RBPJ: variants seen among roughly 807,000 people sequenced by gnomAD.
RBPJ encodes recombination signal binding protein for immunoglobulin kappa J region.
In RBPJ, 9 loss-of-function variants were observed where a neutral mutation model predicts 67.8. The ratio of observed to expected loss-of-function variants is 0.13; its 90% CI spans 0.08 to 0.23. The LOEUF (loss-of-function observed/expected upper bound fraction) is 0.23, where lower values mean the gene tolerates loss of function less well. Ranked by LOEUF, RBPJ falls within the 10% of genes least tolerant of loss-of-function variation. RBPJ has a pLI of 1.00. For missense variants in RBPJ, 305 were observed against 595.6 expected (o/e 0.51, Z 5.08); for synonymous variants, 198 against 203.3 (o/e 0.97, Z 0.22).
At chr4:26,319,869 G>A, upstream of RBPJ, 7 of 1,599,594 alleles carry the variant, frequency 4.4e-6, no homozygotes, top group Non-Finnish European at 5.1e-6. Context: ...GCAAAGGAGG[G>A]GAAAGATGGG....
intron 1 of RBPJ, among the ~76,000 whole-genome samples, chr4:26,306,223 C>T (rs1215538329): frequency 1.3e-5 from 2 of 151,668 alleles, no homozygotes; most frequent in East Asian, 1.9e-4. Flanking sequence ...CTGGCTAGAA[C>T]CTTCAATACC....
intron 2 of RBPJ, among the ~76,000 whole-genome samples, chr4:26,405,498 T>C (rs1243342936): frequency 6.6e-6 from 1 of 152,184 alleles, no homozygotes; most frequent in Non-Finnish European, 1.5e-5. Context: ...GTATAGACCA[T>C]TTGCTCAATA....
upstream of RBPJ, chr4:26,319,599 A>C: frequency 7.2e-6 from 4 of 552,356 alleles, no homozygotes; most frequent in East Asian, 3.4e-5. Flanking sequence ...AGCTTAGGCA[A>C]CAGGGGCACG....
At chr4:26,158,337 G>A in the RBPJ span, among the ~76,000 whole-genome samples, 1,370 of 152,286 alleles carry the variant, frequency 9.0e-3, 17 homozygotes, top group African/African-American at 0.031. Flanking sequence ...CTTGATTCTA[G>A]TCTTCTCAAG....
At chr4:26,423,856 A>C (rs1475189060) in intron 5 of RBPJ, among the ~76,000 whole-genome samples, 3 of 152,212 alleles carry the variant, frequency 2.0e-5, no homozygotes, top group African/African-American at 4.8e-5. Flanking sequence ...TCCCTTTTCT[A>C]TGCATGTATT....
chr4:26,294,904 G>A (rs974681882), intron 1 of RBPJ, among the ~76,000 whole-genome samples: 11 of 151,958 alleles, frequency 7.2e-5, no homozygotes, highest in Non-Finnish European at 2.9e-5. Context: ...TTACATGTGG[G>A]CATAGTTTAA....
At chr4:26,183,562 C>T (rs906641887) in intron 1 of RBPJ, among the ~76,000 whole-genome samples, 1 of 152,188 alleles carries the variant, frequency 6.6e-6, no homozygotes, top group African/African-American at 2.4e-5. Flanking sequence ...CCAACTCAGA[C>T]AACTAGAAGA....
the RBPJ span, chr4:26,112,764 T>TC: frequency 6.9e-6 from 1 of 145,912 alleles, no homozygotes; most frequent in Non-Finnish European, 1.5e-5. Context: ...TCTTTTTTTT[T>TC]TTTTTTTTTT....
intron 1 of RBPJ, among the ~76,000 whole-genome samples, chr4:26,204,229 T>C (rs1028008921): frequency 6.6e-6 from 1 of 152,168 alleles, no homozygotes; most frequent in Non-Finnish European, 1.5e-5. Context: ...ATTACAGGTG[T>C]GAGCCACCAT....
intron 2 of RBPJ, among the ~76,000 whole-genome samples, chr4:26,402,567 C>A (rs1732949821): frequency 6.6e-6 from 1 of 152,182 alleles, no homozygotes; most frequent in South Asian, 2.1e-4. Context: ...TGTTAGACTT[C>A]TTGCTGAAAT....
intron 1 of RBPJ, among the ~76,000 whole-genome samples, chr4:26,349,253 G>A (rs1172471382): frequency 6.6e-6 from 1 of 151,564 alleles, no homozygotes; most frequent in African/African-American, 2.4e-5. Context: ...AAATTTTTTT[G>A]TAGAGATGGT....
intron 1 of RBPJ, among the ~76,000 whole-genome samples, chr4:26,311,888 A>G (rs996923351): frequency 5.3e-5 from 8 of 152,078 alleles, no homozygotes; most frequent in African/African-American, 1.9e-4. Context: ...CTTTGATTGC[A>G]CTACCACACT....
rs113226255 is a variant in RBPJ at position 26,311,076 on chromosome 4, A to T, written c.-166-51370A>T. ...AGTAATGATAAAAACTAATATTACT[A>T]TAACAATTGTGTTATAGCACTGTTC... On this transcript the variant is annotated intron_variant, in intron 1 of 4. Transcript: ENST00000512351. Among the ~76,000 whole-genome samples the T allele has an allele frequency of 1.2e-3, 189 of 152,348 alleles. 1 individual carries two copies. The highest frequency in any genetic ancestry group is 4.4e-3 in the African/African-American group (183 of 41,576).
At chr4:26,172,566 G>A (rs1220403020) in intron 1 of RBPJ, among the ~76,000 whole-genome samples, 1 of 152,106 alleles carries the variant, frequency 6.6e-6, no homozygotes, top group African/African-American at 2.4e-5. Flanking sequence ...TTTGGAATAA[G>A]GAAAGTGGGG....
intron 1 of RBPJ, among the ~76,000 whole-genome samples, chr4:26,347,953 T>C (rs1474559808): frequency 6.8e-6 from 1 of 146,502 alleles, no homozygotes; most frequent in Admixed American, 6.9e-5. Context: ...TTTTTTTTTT[T>C]CTTTTTCTTT....
intron 2 of RBPJ, among the ~76,000 whole-genome samples, chr4:26,391,397 T>A (rs1013231409): frequency 5.3e-5 from 8 of 152,162 alleles, no homozygotes; most frequent in Non-Finnish European, 7.3e-5. Flanking sequence ...GATTTTTTTT[T>A]AAATGGTAGT....
chr4:26,385,856 G>T (rs1425086496), intron 1 of RBPJ, among the ~76,000 whole-genome samples: 1 of 151,262 alleles, frequency 6.6e-6, no homozygotes, highest in Non-Finnish European at 1.5e-5. Context: ...AGGCTGGAGT[G>T]CAGTGGCACG....
chr4:26,409,788 G>A (rs991074933), intron 3 of RBPJ, among the ~76,000 whole-genome samples: 6 of 152,122 alleles, frequency 3.9e-5, no homozygotes, highest in Admixed American at 6.5e-5. Flanking sequence ...GTGAGCCACC[G>A]CACCCAGCCT....
chr4:26,159,332 C>G (rs149008692), upstream of RBPJ, among the ~76,000 whole-genome samples: 693 of 152,240 alleles, frequency 4.6e-3, 3 homozygotes, highest in Admixed American at 7.7e-3. Context: ...TGCACAAGTT[C>G]CAGTTTTTCC....
Sources: gnomAD v4.1 joint callset for allele counts (sites outside exome capture counted in the v4.1 genomes callset) on GRCh38, gnomAD v4.1.1 for gene constraint, MANE v1.5 for transcripts, NCBI Gene and HGNC (gene_info 2026-07-23, HGNC 2026-07-21) for gene names.